The following NIPBL variants were observed in gnomAD, a reference collection of about 807,000 sequenced individuals.
NIPBL encodes NIPBL cohesin loading factor, also known as nipped-B-like protein.
In NIPBL, 19 loss-of-function variants were observed where a neutral mutation model predicts 321.8. The observed-to-expected ratio is 0.06, with a 90% CI of 0.04 to 0.09. The LOEUF (loss-of-function observed/expected upper bound fraction) is 0.09, where lower values mean the gene tolerates loss of function less well. NIPBL is among the 10% of genes least tolerant of loss of function. The pLI is 1.00. For missense variants in NIPBL, 2,210 were observed against 3,327.0 expected, an observed-to-expected ratio of 0.66 and a Z score of 8.26; for synonymous variants, 1,106 against 1,114.1, an observed-to-expected ratio of 0.99 and a Z score of 0.14.
chr5:36,881,032 C>T (rs1745464213), intron 1 of NIPBL, among the ~76,000 whole-genome samples: 1 of 151,976 alleles, frequency 6.6e-6, no homozygotes, highest in African/African-American at 2.4e-5. Flanking sequence ...CTGACACTGA[C>T]ACCATTTGTT....
At chr5:37,029,553 G>A (rs1241427059) in intron 32 of NIPBL, among the ~76,000 whole-genome samples, 3 of 151,902 alleles carry the variant, frequency 2.0e-5, no homozygotes, top group South Asian at 2.1e-4. Context: ...TTGTGTAGAT[G>A]TATGTTTTCA....
At position 36,955,539 on chromosome 5, in the gene NIPBL, A is replaced by G; in HGVS notation, c.132A>G (p.Ala44=). The change falls in exon 3 of 47, where the codon GCA becomes GCG. Residue 44 remains alanine, a synonymous_variant. Transcript: ENST00000282516. ...ATTTKSLLFN[A]RIAEEVNCLL... is the part of the protein sequence containing the mutation. ...CTACAAAGAGCCTTCTCTTTAATGC[A>G]CGAATAGCAGAAGAGGTGAACTGCC... 4.3e-6 allele frequency: 7 copies of G among 1,613,954 alleles called. No homozygotes were observed. The highest frequency in any genetic ancestry group is 1.1e-5 in the South Asian group (1 of 91,076).
chr5:36,887,222 C>G (rs925484036), intron 1 of NIPBL, among the ~76,000 whole-genome samples: 2 of 152,136 alleles, frequency 1.3e-5, no homozygotes, highest in Non-Finnish European at 2.9e-5. Context: ...AATAGACCTA[C>G]TCTCTTTTTC....
chr5:36,930,067 TG>T (rs1262174694), intron 1 of NIPBL, among the ~76,000 whole-genome samples: 1 of 151,858 alleles, frequency 6.6e-6, no homozygotes, highest in South Asian at 2.1e-4. Context: ...CTAGATCCTT[TG>T]TATTTTCCTA....
chr5:36,962,071 A>G, intron 5 of NIPBL, 52 bp from the exon 6 acceptor site: 1 of 1,593,470 alleles, frequency 6.3e-7, no homozygotes, highest in Non-Finnish European at 8.6e-7. Flanking sequence ...TTCAAGGAAT[A>G]GCGTGTTTAT....
chr5:37,060,938 C>T lies in NIPBL; in HGVS notation c.7780C>T (p.Leu2594=). 1 of 1,614,072 alleles carries T rather than the reference C, an allele frequency of 6.2e-7. No individual in the cohort carries two copies. The highest frequency in any genetic ancestry group is 1.1e-5 in the South Asian group (1 of 91,076). ...AGTTCATTTTCATCCAAAACAAACA[C>T]TGGACTTCCTGCGGAGTGACATGGC... The part of the protein sequence containing the change: ...TGVHFHPKQT[L]DFLRSDMANS... The change falls in exon 45 of 47, where the codon CTG becomes TTG. Residue 2594 remains leucine, a synonymous_variant. Transcript: ENST00000282516.
intron 11 of NIPBL, among the ~76,000 whole-genome samples, chr5:36,999,463 G>GC (rs1561136328): frequency 6.6e-6 from 1 of 152,064 alleles, no homozygotes; most frequent in African/African-American, 2.4e-5. Context: ...CACTTATAGT[G>GC]CCCCCCAGCT....
At chr5:36,945,329 T>C (rs1739546841) in intron 1 of NIPBL, among the ~76,000 whole-genome samples, 1 of 152,192 alleles carries the variant, frequency 6.6e-6, no homozygotes, top group African/African-American at 2.4e-5. Flanking sequence ...TATTTAAAGT[T>C]ATGTGAAGTT....
chr5:36,882,116 A>G (rs910806629), intron 1 of NIPBL, among the ~76,000 whole-genome samples: 1 of 151,998 alleles, frequency 6.6e-6, no homozygotes, highest in African/African-American at 2.4e-5. Context: ...AACTGTTGCC[A>G]GTACATACAA....
chr5:36,975,399 T>C (rs984748634), intron 8 of NIPBL, among the ~76,000 whole-genome samples: 4 of 152,160 alleles, frequency 2.6e-5, no homozygotes, highest in Non-Finnish European at 5.9e-5. Context: ...TCCCAGATAG[T>C]CCATGAAAGA....
chr5:36,905,103 T>G (rs945248368), intron 1 of NIPBL, among the ~76,000 whole-genome samples: 6 of 152,300 alleles, frequency 3.9e-5, no homozygotes, highest in African/African-American at 1.2e-4. Flanking sequence ...GTTGGTTGGT[T>G]GGTTGGTTTT....
At chr5:36,991,095 TA>T (rs1745457874) in intron 10 of NIPBL, among the ~76,000 whole-genome samples, 1 of 152,096 alleles carries the variant, frequency 6.6e-6, no homozygotes, top group Non-Finnish European at 1.5e-5. Flanking sequence ...ATGGGTTTTT[TA>T]ATATGGATCT....
intron 1 of NIPBL, among the ~76,000 whole-genome samples, chr5:36,930,485 C>T (rs2149571193): frequency 6.6e-6 from 1 of 152,076 alleles, no homozygotes. Flanking sequence ...TGGACAGTGT[C>T]ATCTGATAAT....
chr5:36,903,990 G>A (rs900723356), intron 1 of NIPBL, among the ~76,000 whole-genome samples: 1 of 152,176 alleles, frequency 6.6e-6, no homozygotes, highest in Non-Finnish European at 1.5e-5. Context: ...TTAAATTATA[G>A]AGTCCTAAAG....
chr5:37,023,838 C>T (rs1243289521), intron 29 of NIPBL, among the ~76,000 whole-genome samples: 3 of 137,254 alleles, frequency 2.2e-5, no homozygotes, highest in African/African-American at 5.5e-5. Context: ...TCCCACACTT[C>T]GTTTAATTTA....
rs2307857 is a variant in NIPBL, at chr5:37,038,415, A to ATATG, written c.5972-186_5972-185insATGT. On this transcript the variant is annotated intron_variant, in intron 33 of 46. Transcript: ENST00000282516. Reference sequence around the variant, plus strand: ...TGGCCTCTTGTTCTTTATCTTGAGTATTATTTCTATATCAAAGAAAAAATG... The same window carrying ATATG: ...TGGCCTCTTGTTCTTTATCTTGAGTATATGTTATTTCTATATCAAAGAAAAAATG... 0.56 allele frequency among the ~76,000 whole-genome samples: 85,200 copies of ATATG among 151,634 alleles called. 25,953 individuals are homozygous for ATATG. Among genetic ancestry groups the ATATG allele is most frequent in the African/African-American group, 0.82 (33,739 of 41,308 alleles).
chr5:36,962,414 G>A, intron 6 of NIPBL, 140 bp downstream of exon 6: 2 of 898,836 alleles, frequency 2.2e-6, no homozygotes, highest in Non-Finnish European at 3.5e-6. Flanking sequence ...TAAAGATATG[G>A]CTTAAATCAT....
At chr5:36,922,319 ACT>A (rs1749010984) in intron 1 of NIPBL, among the ~76,000 whole-genome samples, 1 of 152,002 alleles carries the variant, frequency 6.6e-6, no homozygotes, top group African/African-American at 2.4e-5. Context: ...TAATTTTTAT[ACT>A]CTTACCCTAA....
At chr5:36,908,624 TG>T (rs1466222574) in intron 1 of NIPBL, among the ~76,000 whole-genome samples, 1 of 152,144 alleles carries the variant, frequency 6.6e-6, no homozygotes, top group East Asian at 1.9e-4. Flanking sequence ...CAGAAATGAC[TG>T]GAGAACTTTA....
Sources: gnomAD v4.1 joint callset for allele counts (sites outside exome capture counted in the v4.1 genomes callset) on GRCh38, gnomAD v4.1.1 for gene constraint, MANE v1.5 for transcripts, NCBI Gene and HGNC (gene_info 2026-07-23, HGNC 2026-07-21) for gene names.